ZNF516: variants seen among roughly 807,000 people sequenced by gnomAD.
The protein encoded by ZNF516 is zinc finger protein 516.
In ZNF516, 19 loss-of-function variants were observed where a neutral mutation model predicts 79.7. The observed-to-expected ratio is 0.24, with a 90% CI of 0.17 to 0.35. The LOEUF (loss-of-function observed/expected upper bound fraction) is 0.35, where lower values mean the gene tolerates loss of function less well. ZNF516 is among the 10% of genes least tolerant of loss of function. The pLI, the probability that ZNF516 is intolerant of heterozygous loss-of-function variation, is 1.00. For missense variants in ZNF516, 1,678 were observed against 1,679.5 expected (o/e 1.00, Z 0.02); for synonymous variants, 877 against 739.5 (o/e 1.19, Z -3.02).
rs116022429 is a variant in ZNF516, at chr18:76,395,361, G to A, written c.1811-15058C>T. ...CACTATCTAGCGCATCTGGCTCCTG[G>A]GAGAGAGACCATCAACAAATATGCA... On this transcript the variant is annotated intron_variant, in intron 3 of 6. Coordinates refer to ENST00000443185, the MANE Select transcript of ZNF516 (RefSeq NM_014643.4). Among the ~76,000 whole-genome samples the A allele has an allele frequency of 2.1e-3, 313 of 152,250 alleles. 1 individual carries two copies. Among genetic ancestry groups the A allele is most frequent in the African/African-American group, 7.3e-3 (303 of 41,530 alleles).
At chr18:76,398,771 C>T (rs1015601906) in intron 3 of ZNF516, among the ~76,000 whole-genome samples, 4 of 152,136 alleles carry the variant, frequency 2.6e-5, no homozygotes, top group East Asian at 3.8e-4. Flanking sequence ...TACACTTCTC[C>T]GACTTAAAGC....
intron 3 of ZNF516, among the ~76,000 whole-genome samples, chr18:76,438,416 CCT>C (rs1186672664): frequency 1.3e-5 from 2 of 152,102 alleles, no homozygotes; most frequent in Non-Finnish European, 2.9e-5. Context: ...CCCTTTCACC[CCT>C]CTTTCTTACT....
intron 1 of ZNF516, chr18:76,490,367 AAAT>A (rs1168856444): frequency 5.3e-6 from 1 of 188,714 alleles, no homozygotes. Context: ...GTGTAAATAT[AAAT>A]AACAGTTACC....
intron 1 of ZNF516, among the ~76,000 whole-genome samples, chr18:76,470,042 G>A (rs1913735305): frequency 6.6e-6 from 1 of 152,110 alleles, no homozygotes; most frequent in South Asian, 2.1e-4. Context: ...ATCTTTAAAT[G>A]GTATTATCCC....
rs1328148860 is a variant in ZNF516 at position 76,359,089 on chromosome 18, C to G, written c.*3409G>C. 2 of 152,246 alleles carry G rather than the reference C, an allele frequency of 1.3e-5. No individual in the cohort carries two copies. The highest frequency in any genetic ancestry group is 2.9e-5 in the Non-Finnish European group (2 of 68,072). 9.4% of individuals were successfully genotyped at this position (152,246 alleles called of 1,614,324 possible). A position where few individuals can be genotyped will look rare whatever the true frequency, so the allele number is the denominator to read the frequency against. On this transcript the variant is annotated 3_prime_UTR_variant, in exon 7 of 7. Coordinates refer to ENST00000443185, the MANE Select transcript of ZNF516 (RefSeq NM_014643.4). ...TCTCACACCCTCAGCGACCTGTGCA[C>G]AGTGGCCGGATCAGGGGTGGGGGCC...
In ZNF516 at chr18:76,370,513, C is replaced by A; in HGVS notation, c.3432+15G>T. ...CGCATCGAAACCCAGACATCCAATT[C>A]ATCATGAGACCTACTTGTTTGGGGG... On this transcript the variant is annotated intron_variant, in intron 6 of 6. Transcript: ENST00000443185. 1.3e-6 allele frequency: 2 copies of A among 1,594,844 alleles called. No homozygotes were observed. Among genetic ancestry groups the A allele is most frequent in the Non-Finnish European group, 1.7e-6 (2 of 1,169,522 alleles).
chr18:76,366,538 A>G (rs1024274907), intron 6 of ZNF516, among the ~76,000 whole-genome samples: 5 of 151,476 alleles, frequency 3.3e-5, no homozygotes, highest in Non-Finnish European at 7.3e-5. Context: ...ACAAAGCCAC[A>G]AGACACCAAG....
At chr18:76,482,423 G>C (rs2145789440) in intron 1 of ZNF516, among the ~76,000 whole-genome samples, 1 of 152,336 alleles carries the variant, frequency 6.6e-6, no homozygotes, top group Middle Eastern at 3.4e-3. Context: ...TCAGCAGAAA[G>C]CAGTGAGCTG....
chr18:76,385,494 A>C (rs1297476389), intron 3 of ZNF516: 2 of 152,178 alleles, frequency 1.3e-5, no homozygotes, highest in Admixed American at 1.3e-4. Context: ...TACATAACAA[A>C]AAAGTCTGCA....
chr18:76,385,033 C>T (rs545702146), intron 3 of ZNF516, among the ~76,000 whole-genome samples: 60 of 152,318 alleles, frequency 3.9e-4, no homozygotes, highest in Admixed American at 1.0e-3. Flanking sequence ...CCATGCTCTC[C>T]GGGTGCACGG....
chr18:76,448,843 A>G (rs1439360503), intron 2 of ZNF516, among the ~76,000 whole-genome samples: 1 of 152,176 alleles, frequency 6.6e-6, no homozygotes. Flanking sequence ...AGGGAAGCAT[A>G]CTATTATCAA....
chr18:76,392,077 G>A (rs890957487), intron 3 of ZNF516, among the ~76,000 whole-genome samples: 12 of 152,320 alleles, frequency 7.9e-5, no homozygotes, highest in East Asian at 7.7e-4. Context: ...CGCCACCAGC[G>A]ACGCCAGTCA....
intron 3 of ZNF516, among the ~76,000 whole-genome samples, chr18:76,433,506 G>C (rs1256003896): frequency 6.6e-6 from 1 of 152,224 alleles, no homozygotes. Flanking sequence ...CTGAGGCCCA[G>C]GTTTGCATTC....
chr18:76,487,958 C>T (rs1381815092), intron 1 of ZNF516: 1 of 985,290 alleles, frequency 1.0e-6, no homozygotes, highest in Non-Finnish European at 1.2e-6. Context: ...ACTGTCAGCT[C>T]ATGCCACCAG....
intron 1 of ZNF516, among the ~76,000 whole-genome samples, chr18:76,468,955 T>G (rs1451479041): frequency 6.6e-6 from 1 of 152,200 alleles, no homozygotes; most frequent in Non-Finnish European, 1.5e-5. Flanking sequence ...CCTGAACCAC[T>G]AAACCACACT....
intron 4 of ZNF516, among the ~76,000 whole-genome samples, chr18:76,374,166 T>C (rs1372350258): frequency 6.6e-6 from 1 of 152,230 alleles, no homozygotes; most frequent in Non-Finnish European, 1.5e-5. Context: ...TTGGTATAAA[T>C]GACTTTTTTA....
At position 76,401,746 on chromosome 18, in the gene ZNF516, C is replaced by T. The variant is rs1316246669; in HGVS notation, c.1811-21443G>A. 2.0e-5 allele frequency among the ~76,000 whole-genome samples: 3 copies of T among 148,990 alleles called. No homozygotes were observed. The East Asian group carries it at 5.8e-4, about 29-fold the overall frequency. ...CACACCCCCGCGCCGCATCTCTCCA[C>T]CACCAACCACACCCCCGCGCTCCAT... On this transcript the variant is annotated intron_variant, in intron 3 of 6. Transcript: ENST00000443185.
rs569741275 is a variant in ZNF516, at chr18:76,494,300, C to A, written c.-272+844G>T. 5.6e-4 allele frequency among the ~76,000 whole-genome samples: 85 copies of A among 152,262 alleles called. No individual in the cohort carries two copies. In the East Asian group the frequency reaches 9.5e-3, roughly 17 times the overall value. On this transcript the variant is annotated intron_variant, in intron 1 of 6. Coordinates refer to ENST00000443185, the MANE Select transcript of ZNF516 (RefSeq NM_014643.4). ...AAATGGCAGCGGAGGCGCCTCCCCCCACCTCCCGCCCAACCACACACACCC... is the reference window on the plus strand; with the variant it reads ...AAATGGCAGCGGAGGCGCCTCCCCCAACCTCCCGCCCAACCACACACACCC...
At chr18:76,385,875 C>T (rs1000590037) in intron 3 of ZNF516, 4 of 152,194 alleles carry the variant, frequency 2.6e-5, no homozygotes, top group Non-Finnish European at 5.9e-5. Flanking sequence ...GGTGCCAGGA[C>T]CCTCGTGGCC....
Sources: allele counts gnomAD v4.1 joint callset (sites outside exome capture counted in the v4.1 genomes callset), GRCh38; gene constraint gnomAD v4.1.1; transcripts MANE v1.5; gene names NCBI Gene and HGNC (gene_info 2026-07-23, HGNC 2026-07-21).